ST6GALNAC3: variants seen among roughly 807,000 people sequenced by gnomAD.
The protein encoded by ST6GALNAC3 is alpha-N-acetylgalactosaminide alpha-2,6-sialyltransferase 3.
ST6GALNAC3 carries 25 observed loss-of-function variants against 32.7 expected under a neutral mutation model. The ratio of observed to expected loss-of-function variants is 0.76; its 90% CI spans 0.56 to 1.07. ST6GALNAC3 has a LOEUF of 1.07. Among genes scored for constraint, ST6GALNAC3 ranks in the 50% least tolerant of loss-of-function variants. The pLI, the probability that ST6GALNAC3 is intolerant of heterozygous loss-of-function variation, is 0.00. For missense variants in ST6GALNAC3, 355 were observed against 382.4 expected (o/e 0.93, Z 0.60); for synonymous variants, 129 against 133.1 (o/e 0.97, Z 0.21).
chr1:76,290,080 A>T lies in ST6GALNAC3; in HGVS notation c.19-23725A>T, dbSNP rs1364831141. 2.6e-5 allele frequency among the ~76,000 whole-genome samples: 4 copies of T among 152,350 alleles called. No individual in the cohort carries two copies. In the East Asian group the frequency reaches 5.8e-4, roughly 22 times the overall value. On this transcript the variant is annotated intron_variant, in intron 1 of 4. Coordinates refer to ENST00000328299, the MANE Select transcript of ST6GALNAC3 (RefSeq NM_152996.4). ...CTTTTGAAATAGTTTTTAGTTACAC[A>T]TGTAGTAAAGAAATGCATTCCTTTG...
At chr1:76,161,682 A>C (rs1405993710) in intron 1 of ST6GALNAC3, among the ~76,000 whole-genome samples, 1 of 152,150 alleles carries the variant, frequency 6.6e-6, no homozygotes, top group African/African-American at 2.4e-5. Flanking sequence ...AGAGCTTTAC[A>C]TTTCTTTTTA....
At chr1:76,447,121 A>G (rs61710621) in intron 3 of ST6GALNAC3, among the ~76,000 whole-genome samples, 3,727 of 152,278 alleles carry the variant, frequency 0.024, 154 homozygotes, top group African/African-American at 0.085. Flanking sequence ...AATGCTGATA[A>G]GTATATGGAC....
intron 3 of ST6GALNAC3, among the ~76,000 whole-genome samples, chr1:76,452,941 C>T (rs1334219737): frequency 6.6e-6 from 1 of 152,096 alleles, no homozygotes; most frequent in Non-Finnish European, 1.5e-5. Flanking sequence ...TGTTTGATTA[C>T]CATTTCAGTC....
intron 2 of ST6GALNAC3, among the ~76,000 whole-genome samples, chr1:76,333,634 C>T (rs1342681741): frequency 6.6e-6 from 1 of 152,148 alleles, no homozygotes; most frequent in East Asian, 1.9e-4. Flanking sequence ...TCTTTTGCCT[C>T]ACTCTTCAGT....
chr1:76,161,782 T>C (rs1032821436), intron 1 of ST6GALNAC3, among the ~76,000 whole-genome samples: 14 of 152,236 alleles, frequency 9.2e-5, no homozygotes, highest in African/African-American at 3.4e-4. Context: ...ACCCATTGAT[T>C]TGGACAGGGT....
chr1:76,229,258 C>T (rs1013130719), intron 1 of ST6GALNAC3, among the ~76,000 whole-genome samples: 18 of 152,156 alleles, frequency 1.2e-4, no homozygotes, highest in Non-Finnish European at 4.4e-5. Context: ...CAACAATTGA[C>T]CTCAAGTGGC....
chr1:76,476,768 G>T (rs753446726), intron 3 of ST6GALNAC3, among the ~76,000 whole-genome samples: 8 of 152,156 alleles, frequency 5.3e-5, no homozygotes, highest in Non-Finnish European at 1.2e-4. Flanking sequence ...AAATTGTGCT[G>T]CCCTTTATGA....
chr1:76,521,357 A>T (rs1426705662), intron 3 of ST6GALNAC3, among the ~76,000 whole-genome samples: 1 of 151,980 alleles, frequency 6.6e-6, no homozygotes, highest in Non-Finnish European at 1.5e-5. Context: ...ACACACATGG[A>T]GAGGAAAAGA....
intron 1 of ST6GALNAC3, among the ~76,000 whole-genome samples, chr1:76,184,408 G>T (rs995264943): frequency 2.6e-5 from 4 of 151,980 alleles, no homozygotes; most frequent in African/African-American, 9.7e-5. Context: ...GTGTGGTGGC[G>T]CATGTCTGTA....
At chr1:76,318,133 G>C (rs934040304) in intron 2 of ST6GALNAC3, among the ~76,000 whole-genome samples, 1 of 152,006 alleles carries the variant, frequency 6.6e-6, no homozygotes, top group Admixed American at 6.6e-5. Context: ...ACACAGGAGA[G>C]ATGTGGTTTT....
intron 3 of ST6GALNAC3, among the ~76,000 whole-genome samples, chr1:76,468,138 C>T (rs371266818): frequency 2.0e-5 from 3 of 151,718 alleles, no homozygotes; most frequent in Admixed American, 6.6e-5. Flanking sequence ...CCTTTCAATT[C>T]TGCAAAGATA....
intron 1 of ST6GALNAC3, among the ~76,000 whole-genome samples, chr1:76,174,663 C>CTTTTTTTTTTTTTTTTTTTTTT (rs59269306): frequency 7.1e-6 from 1 of 140,110 alleles, no homozygotes; most frequent in Non-Finnish European, 1.5e-5. Context: ...TTTTTCTTTT[C>CTTTTTTTTTTTTTTTTTTTTTT]TTTTTTTTTT....
chr1:76,328,141 G>T (rs1647114760), intron 2 of ST6GALNAC3, among the ~76,000 whole-genome samples: 2 of 152,124 alleles, frequency 1.3e-5, no homozygotes, highest in Non-Finnish European at 2.9e-5. Flanking sequence ...TGGCTCCAAA[G>T]CCCCAGGTTT....
At chr1:76,159,415 C>G (rs1261150236) in intron 1 of ST6GALNAC3, among the ~76,000 whole-genome samples, 1 of 152,160 alleles carries the variant, frequency 6.6e-6, no homozygotes, top group Non-Finnish European at 1.5e-5. Flanking sequence ...AACTCCTAGC[C>G]TCAAGTGATC....
chr1:76,528,126 T>G (rs1290894209), intron 3 of ST6GALNAC3, among the ~76,000 whole-genome samples: 1 of 152,192 alleles, frequency 6.6e-6, no homozygotes, highest in Non-Finnish European at 1.5e-5. Flanking sequence ...TTTATCATTT[T>G]ACAATAGCCT....
At chr1:76,489,430 T>TTCTC (rs377559906) in intron 3 of ST6GALNAC3, among the ~76,000 whole-genome samples, 1 of 150,874 alleles carries the variant, frequency 6.6e-6, no homozygotes, top group Non-Finnish European at 1.5e-5. Flanking sequence ...TTTAGGAGAG[T>TTCTC]TCTCTCTCTC....
chr1:76,258,323 G>A (rs544730341), intron 1 of ST6GALNAC3, among the ~76,000 whole-genome samples: 131 of 152,216 alleles, frequency 8.6e-4, no homozygotes, highest in Middle Eastern at 3.4e-3. Context: ...AGTTTCTAAC[G>A]TACAGTACAC....
At chr1:76,616,221 T>C (rs341023) in intron 3 of ST6GALNAC3, among the ~76,000 whole-genome samples, 129,820 of 152,186 alleles carry the variant, frequency 0.85, 55,451 homozygotes, top group Admixed American at 0.88. Context: ...CTTCACTAAG[T>C]GAGGAGTTTA....
intron 3 of ST6GALNAC3, among the ~76,000 whole-genome samples, chr1:76,483,252 G>T (rs1224623091): frequency 3.3e-5 from 5 of 152,120 alleles, no homozygotes; most frequent in Non-Finnish European, 7.4e-5. Flanking sequence ...TAATGGGATG[G>T]CTGGGTCAAA....
Sources: allele counts gnomAD v4.1 joint callset (sites outside exome capture counted in the v4.1 genomes callset), GRCh38; gene constraint gnomAD v4.1.1; transcripts MANE v1.5; gene names NCBI Gene and HGNC (gene_info 2026-07-23, HGNC 2026-07-21).